MCCC1: variants seen among roughly 807,000 people sequenced by gnomAD.
MCCC1 encodes the protein methylcrotonoyl-CoA carboxylase subunit alpha, mitochondrial.
MCCC1 carries 64 observed loss-of-function variants against 83.8 expected under a neutral mutation model. The ratio of observed to expected loss-of-function variants is 0.76; its 90% confidence interval spans 0.62 to 0.94. The LOEUF (loss-of-function observed/expected upper bound fraction) is 0.94. MCCC1 is among the 40% of genes least tolerant of loss of function. MCCC1 has a pLI of 0.00. For synonymous variants in MCCC1, 322 were observed against 315.4 expected (o/e 1.02, Z -0.22); for missense variants, 807 against 904.7 (o/e 0.89, Z 1.39).
intron 1 of MCCC1, among the ~76,000 whole-genome samples, chr3:183,110,875 G>C (rs1719481177): frequency 6.6e-6 from 1 of 152,096 alleles, no homozygotes; most frequent in African/African-American, 2.4e-5. Flanking sequence ...GGTTATCACA[G>C]CACCATTTAT....
At chr3:183,036,732 G>A (rs945484628) in intron 13 of MCCC1, among the ~76,000 whole-genome samples, 1 of 152,102 alleles carries the variant, frequency 6.6e-6, no homozygotes, top group African/African-American at 2.4e-5. Context: ...GTAGAGACAG[G>A]GTTTCACCAT....
chr3:183,038,648 C>G (rs577615533), intron 12 of MCCC1, among the ~76,000 whole-genome samples: 1 of 152,034 alleles, frequency 6.6e-6, no homozygotes, highest in African/African-American at 2.4e-5. Context: ...TACTGGGTAG[C>G]GAAAACAACA....
intron 2 of MCCC1, among the ~76,000 whole-genome samples, chr3:183,093,793 G>A (rs1290930899): frequency 2.0e-5 from 3 of 152,148 alleles, no homozygotes; most frequent in African/African-American, 7.2e-5. Flanking sequence ...ACAGTAGGTA[G>A]AGGGCTATAT....
At chr3:183,038,828 CT>C (rs1713830808) in intron 12 of MCCC1, among the ~76,000 whole-genome samples, 197 bp downstream of exon 12, 1 of 152,216 alleles carries the variant, frequency 6.6e-6, no homozygotes, top group Admixed American at 6.5e-5. Context: ...TGCAATCTTT[CT>C]TTTGTAACTG....
chr3:183,031,449 T>G (rs1713062113), intron 14 of MCCC1, among the ~76,000 whole-genome samples: 1 of 150,296 alleles, frequency 6.7e-6, no homozygotes, highest in African/African-American at 2.4e-5. Flanking sequence ...CTGTGGTCAC[T>G]AGAAGTTGCT....
intron 7 of MCCC1, among the ~76,000 whole-genome samples, chr3:183,066,716 T>C (rs938747148): frequency 3.3e-5 from 5 of 152,246 alleles, no homozygotes; most frequent in Non-Finnish European, 5.9e-5. Flanking sequence ...AGGACTCTCA[T>C]GGAAAGTTGA....
intron 7 of MCCC1, among the ~76,000 whole-genome samples, chr3:183,059,285 G>C (rs1292591625): frequency 6.6e-6 from 1 of 152,158 alleles, no homozygotes; most frequent in Non-Finnish European, 1.5e-5. Context: ...CTCCAGCCTG[G>C]GTGACAGAGT....
intron 1 of MCCC1, among the ~76,000 whole-genome samples, chr3:183,097,259 A>G (rs1370863142): frequency 2.6e-5 from 4 of 152,170 alleles, no homozygotes; most frequent in Non-Finnish European, 5.9e-5. Flanking sequence ...AAAAAAAAAA[A>G]GAAGCTGCTT....
In MCCC1 at chr3:183,079,052, C is replaced by T. The variant is rs111711993; in HGVS notation, c.370-6565G>A. Reference sequence around the variant, plus strand: ...ATCACCTCCCACTGGGTTCCTCCCACGATACATGAGAATTGTGAGAGTTAC... The same window carrying T: ...ATCACCTCCCACTGGGTTCCTCCCATGATACATGAGAATTGTGAGAGTTAC... On this transcript the variant is annotated intron_variant, in intron 4 of 18. Coordinates refer to ENST00000265594, the MANE Select transcript of MCCC1 (RefSeq NM_020166.5). 4.7e-3 allele frequency among the ~76,000 whole-genome samples: 714 copies of T among 152,272 alleles called. 5 individuals carry two copies. The highest frequency in any genetic ancestry group is 0.016 in the African/African-American group (673 of 41,552).
At chr3:183,091,849 T>C (rs1718368645) in intron 3 of MCCC1, among the ~76,000 whole-genome samples, 1 of 151,962 alleles carries the variant, frequency 6.6e-6, no homozygotes, top group Non-Finnish European at 1.5e-5. Flanking sequence ...CCATCCTGGC[T>C]AACACGGTGA....
intron 1 of MCCC1, among the ~76,000 whole-genome samples, chr3:183,105,321 G>A (rs1719386602): frequency 6.6e-6 from 1 of 152,110 alleles, no homozygotes; most frequent in South Asian, 2.1e-4. Context: ...CCCAGCCTGG[G>A]CAGCAAGAGC....
intron 1 of MCCC1, among the ~76,000 whole-genome samples, chr3:183,113,939 T>G (rs1719545412): frequency 6.6e-6 from 1 of 152,112 alleles, no homozygotes; most frequent in Non-Finnish European, 1.5e-5. Context: ...CCTCAACCCG[T>G]GGGTGTAATG....
upstream of MCCC1, among the ~76,000 whole-genome samples, chr3:183,101,079 T>G (rs1719239888): frequency 6.6e-6 from 1 of 152,244 alleles, no homozygotes; most frequent in South Asian, 2.1e-4. Flanking sequence ...CCCCCAGCAG[T>G]GCTGGCCCAC....
At chr3:183,015,696 T>C (rs1343406210) in intron 18 of MCCC1, 130 bp from the exon 19 acceptor site, 2 of 1,054,892 alleles carry the variant, frequency 1.9e-6, no homozygotes, top group Non-Finnish European at 2.9e-6. Context: ...CTCTCGGTGC[T>C]TTCCAACGCT....
intron 3 of MCCC1, among the ~76,000 whole-genome samples, chr3:183,087,889 A>G (rs2108555835): frequency 6.7e-6 from 1 of 150,244 alleles, no homozygotes; most frequent in Non-Finnish European, 1.5e-5. Context: ...AAAAAAAAAA[A>G]GGATGATCAA....
chr3:183,050,229 TAA>T (rs1486862584), intron 9 of MCCC1, among the ~76,000 whole-genome samples: 1 of 152,132 alleles, frequency 6.6e-6, no homozygotes, highest in African/African-American at 2.4e-5. Flanking sequence ...CTATATTTAT[TAA>T]AGAGATTAAG....
intron 17 of MCCC1, chr3:183,017,645 G>C (rs1286149421): frequency 6.8e-5 from 26 of 381,098 alleles, no homozygotes; most frequent in Non-Finnish European, 1.2e-4. Context: ...GAGACCTACA[G>C]CCCAAATGCA....
intron 4 of MCCC1, among the ~76,000 whole-genome samples, chr3:183,077,374 CA>C (rs2108537002): frequency 6.6e-6 from 1 of 152,276 alleles, no homozygotes; most frequent in South Asian, 2.1e-4. Context: ...AGAAGGGTTC[CA>C]ATTTCTCTAA....
chr3:183,020,262 A>G (rs1403472241), intron 16 of MCCC1, 25 bp from the exon 17 acceptor site: 3 of 1,529,654 alleles, frequency 2.0e-6, no homozygotes, highest in Middle Eastern at 1.7e-4. Context: ...CAAACTGAAA[A>G]CCGAATCAAC....
Sources: gnomAD v4.1 joint callset for allele counts (sites outside exome capture counted in the v4.1 genomes callset) on GRCh38, gnomAD v4.1.1 for gene constraint, MANE v1.5 for transcripts, NCBI Gene and HGNC (gene_info 2026-07-23, HGNC 2026-07-21) for gene names.